The following TMTC2 variants were observed in gnomAD, a reference collection of about 807,000 sequenced individuals.
The protein encoded by TMTC2 is protein O-mannosyl-transferase TMTC2.
In TMTC2, 43 loss-of-function variants were observed where a neutral mutation model predicts 82.4. The observed-to-expected ratio is 0.52, with a 90% CI of 0.41 to 0.67. The LOEUF (loss-of-function observed/expected upper bound fraction) is 0.67, where lower values mean the gene tolerates loss of function less well. TMTC2 is among the 30% of genes least tolerant of loss of function. The pLI is 0.00. For missense variants in TMTC2, 919 were observed against 1,012.4 expected (o/e 0.91, Z 1.25); for synonymous variants, 408 against 381.9 (o/e 1.07, Z -0.80).
intron 4 of TMTC2, among the ~76,000 whole-genome samples, chr12:82,949,102 G>A (rs1877202270): frequency 6.6e-6 from 1 of 152,182 alleles, no homozygotes; most frequent in Non-Finnish European, 1.5e-5. Flanking sequence ...AGCAAGAAAG[G>A]TTTTGGCCTA....
chr12:83,005,350 G>C lies in TMTC2; in HGVS notation c.2070+19304G>C, dbSNP rs1484993. The stretch of plus-strand genomic sequence containing the variant: ...GTCTCCAAAAAAAAAAAAAAAAAAA[G>C]AGTAATGGCTGGCCGATTGGCTCCT... On this transcript the variant is annotated intron_variant, in intron 8 of 11. Transcript: ENST00000321196. Among the ~76,000 whole-genome samples, 412 of 144,688 alleles carry C rather than the reference G, an allele frequency of 2.8e-3. 7 individuals are homozygous for C. The highest frequency in any genetic ancestry group is 0.01 in the African/African-American group (388 of 37,638). The allele number at this position is 144,688 out of a possible 152,430, so 94.9% of individuals were successfully genotyped here. A position where few individuals can be genotyped will look rare whatever the true frequency, so the allele number is the denominator to read the frequency against.
intron 3 of TMTC2, among the ~76,000 whole-genome samples, chr12:82,903,459 T>C (rs541024972): frequency 5.3e-5 from 8 of 152,348 alleles, no homozygotes; most frequent in Admixed American, 5.2e-4. Context: ...TCGCCCAGGC[T>C]GGAGTGCAGT....
Position 82,687,027 on chromosome 12 carries a change from G to T in TMTC2, c.-560G>T, listed in dbSNP as rs74481432. On this transcript the variant is annotated 5_prime_UTR_variant, in exon 1 of 12. Coordinates refer to ENST00000321196, the MANE Select transcript of TMTC2 (RefSeq NM_152588.3). ...GGAGCTAATAAACATTGAATGTGCA[G>T]CAGCTGCCTTGGCGGCCGGAGTCCG... 4,433 of 160,992 alleles carry T rather than the reference G, an allele frequency of 0.028. 171 individuals are homozygous for T. The highest frequency in any genetic ancestry group is 0.12 in the East Asian group (649 of 5,296). The allele number at this position is 160,992 out of a possible 1,614,324, so 10.0% of individuals were successfully genotyped here. A position where few individuals can be genotyped will look rare whatever the true frequency, so the allele number is the denominator to read the frequency against.
At chr12:82,699,600 G>A (rs1872975354) in intron 1 of TMTC2, among the ~76,000 whole-genome samples, 2 of 152,174 alleles carry the variant, frequency 1.3e-5, no homozygotes, top group Admixed American at 6.5e-5. Context: ...TTCCTGCACC[G>A]ACGTGTTTGT....
At chr12:83,129,314 G>T (rs934897533) in intron 11 of TMTC2, among the ~76,000 whole-genome samples, 1 of 152,124 alleles carries the variant, frequency 6.6e-6, no homozygotes, top group Non-Finnish European at 1.5e-5. Flanking sequence ...TGGTAACTAT[G>T]ATTATTTTTG....
At chr12:82,905,752 C>A (rs1435507568) in intron 3 of TMTC2, among the ~76,000 whole-genome samples, 7 of 152,058 alleles carry the variant, frequency 4.6e-5, no homozygotes, top group Non-Finnish European at 8.8e-5. Flanking sequence ...CAAGACCATT[C>A]TGGTCAACAT....
intron 1 of TMTC2, among the ~76,000 whole-genome samples, chr12:82,824,096 G>A (rs1592552000): frequency 6.6e-6 from 1 of 152,104 alleles, no homozygotes; most frequent in East Asian, 1.9e-4. Flanking sequence ...GTTTCACCAT[G>A]TTGGCCAGCC....
intron 1 of TMTC2, among the ~76,000 whole-genome samples, chr12:82,801,075 T>C (rs1878973216): frequency 6.6e-6 from 1 of 152,132 alleles, no homozygotes. Flanking sequence ...GGCCATCATT[T>C]TTAAGGATCT....
intron 1 of TMTC2, among the ~76,000 whole-genome samples, chr12:82,769,436 A>G (rs1338258413): frequency 6.6e-6 from 1 of 152,014 alleles, no homozygotes; most frequent in African/African-American, 2.4e-5. Context: ...AGATTGTGCC[A>G]CTGTACTCCA....
intron 4 of TMTC2, among the ~76,000 whole-genome samples, chr12:82,960,722 C>T (rs1057511218): frequency 5.3e-5 from 8 of 151,814 alleles, no homozygotes; most frequent in South Asian, 4.2e-4. Flanking sequence ...TCAGTTGTAC[C>T]GGAAACCACA....
At chr12:83,118,426 G>A (rs12302539) in intron 11 of TMTC2, among the ~76,000 whole-genome samples, 5,342 of 152,220 alleles carry the variant, frequency 0.035, 146 homozygotes, top group South Asian at 0.098. Flanking sequence ...CTATTAAGAT[G>A]ATCATGTGAT....
At chr12:83,089,246 A>C (rs74931095) in intron 11 of TMTC2, among the ~76,000 whole-genome samples, 1 of 152,302 alleles carries the variant, frequency 6.6e-6, no homozygotes, top group East Asian at 1.9e-4. Context: ...GTTCGTTTGT[A>C]CTATTTTATA....
At chr12:83,007,226 G>T (rs1013152444) in intron 8 of TMTC2, among the ~76,000 whole-genome samples, 5 of 150,654 alleles carry the variant, frequency 3.3e-5, no homozygotes, top group Admixed American at 1.3e-4. Flanking sequence ...CCTTCCTTCT[G>T]CTGACTTTGG....
intron 1 of TMTC2, among the ~76,000 whole-genome samples, chr12:82,753,687 A>G (rs1042694743): frequency 1.3e-5 from 2 of 152,232 alleles, no homozygotes; most frequent in African/African-American, 2.4e-5. Flanking sequence ...GGTCTCTCTC[A>G]TGAGATTGCC....
intron 6 of TMTC2, among the ~76,000 whole-genome samples, chr12:82,966,159 G>A (rs948900209): frequency 5.3e-5 from 8 of 151,856 alleles, no homozygotes; most frequent in African/African-American, 1.9e-4. Context: ...TATATTCTTT[G>A]TACTTTAAGG....
intron 11 of TMTC2, among the ~76,000 whole-genome samples, chr12:83,077,926 A>G (rs987526548): frequency 3.4e-5 from 5 of 148,410 alleles, no homozygotes; most frequent in Non-Finnish European, 5.9e-5. Context: ...TCAGCCAAAG[A>G]ACCTAAGATG....
At chr12:82,843,820 C>T (rs545006842) in intron 1 of TMTC2, among the ~76,000 whole-genome samples, 8 of 152,058 alleles carry the variant, frequency 5.3e-5, no homozygotes, top group Non-Finnish European at 8.8e-5. Context: ...TGGTGGCAGG[C>T]GCCTGCAGTG....
intron 8 of TMTC2, among the ~76,000 whole-genome samples, chr12:83,010,792 G>C (rs1443512721): frequency 6.6e-6 from 1 of 151,636 alleles, no homozygotes; most frequent in Non-Finnish European, 1.5e-5. Context: ...AAGGCATAAT[G>C]TGTATTGTAT....
intron 8 of TMTC2, among the ~76,000 whole-genome samples, chr12:83,006,621 A>T (rs1018277151): frequency 2.0e-5 from 3 of 152,254 alleles, no homozygotes; most frequent in African/African-American, 4.8e-5. Flanking sequence ...AAAGGATTAT[A>T]AATCATGCTG....
Sources: allele counts gnomAD v4.1 joint callset (sites outside exome capture counted in the v4.1 genomes callset), GRCh38; gene constraint gnomAD v4.1.1; transcripts MANE v1.5; gene names NCBI Gene and HGNC (gene_info 2026-07-23, HGNC 2026-07-21).